CAPSL: variants seen among roughly 807,000 people sequenced by gnomAD.
CAPSL encodes calcyphosine like, also known as calcyphosin-like protein.
A neutral mutation model predicts 21.3 loss-of-function variants in CAPSL; 17 were observed. The observed-to-expected ratio is 0.80, with a 90% CI of 0.55 to 1.20. The LOEUF is 1.20. Ranked by LOEUF, CAPSL falls within the 50% of genes most tolerant of loss-of-function variation. CAPSL has a pLI of 0.00. For missense variants in CAPSL, 289 were observed against 259.3 expected (o/e 1.11, Z -0.79); for synonymous variants, 102 against 89.3 (o/e 1.14, Z -0.80).
At chr5:35,926,354 C>T (rs1738683807) in intron 1 of CAPSL, among the ~76,000 whole-genome samples, 1 of 152,170 alleles carries the variant, frequency 6.6e-6, no homozygotes, top group Non-Finnish European at 1.5e-5. Context: ...AGGATATTCA[C>T]AGAAGCCTGG....
chr5:35,917,416 C>A (rs181730656), intron 2 of CAPSL, among the ~76,000 whole-genome samples: 2 of 152,272 alleles, frequency 1.3e-5, no homozygotes, highest in African/African-American at 4.8e-5. Flanking sequence ...CACATACACA[C>A]GTATGTTTAT....
chr5:35,910,141 T>C (rs1340382828), intron 3 of CAPSL, 66 bp from the exon 4 acceptor site: 13 of 1,319,494 alleles, frequency 9.9e-6, no homozygotes, highest in Non-Finnish European at 1.2e-5. Flanking sequence ...GTATCCTATG[T>C]GATAAAATAT....
At chr5:35,922,617 G>T (rs1738568216) in intron 1 of CAPSL, among the ~76,000 whole-genome samples, 1 of 152,140 alleles carries the variant, frequency 6.6e-6, no homozygotes, top group South Asian at 2.1e-4. Flanking sequence ...CCAGACGGTG[G>T]CACACCCTGC....
chr5:35,935,447 C>T (rs1004038650), intron 1 of CAPSL, among the ~76,000 whole-genome samples: 2 of 151,952 alleles, frequency 1.3e-5, no homozygotes, highest in African/African-American at 2.4e-5. Context: ...ATCCTCCCAC[C>T]GAAACCTCCC....
chr5:35,938,008 A>G (rs565129727), intron 1 of CAPSL, among the ~76,000 whole-genome samples: 33 of 152,220 alleles, frequency 2.2e-4, no homozygotes, highest in Non-Finnish European at 3.5e-4. Flanking sequence ...ATAATTTTGA[A>G]CAAGCCATGT....
At chr5:35,920,512 C>T (rs186814358) in intron 2 of CAPSL, among the ~76,000 whole-genome samples, 101 of 152,300 alleles carry the variant, frequency 6.6e-4, no homozygotes, top group Middle Eastern at 3.4e-3. Context: ...GAGAGAACCC[C>T]ATTGGCAGTG....
intron 2 of CAPSL, among the ~76,000 whole-genome samples, chr5:35,918,297 T>C (rs536116729): frequency 6.6e-6 from 1 of 152,342 alleles, no homozygotes; most frequent in South Asian, 2.1e-4. Flanking sequence ...GATGAGTTCA[T>C]GTCCTTTGCA....
chr5:35,911,814 T>G (rs923675622), intron 2 of CAPSL, among the ~76,000 whole-genome samples: 1 of 152,000 alleles, frequency 6.6e-6, no homozygotes, highest in Non-Finnish European at 1.5e-5. Context: ...AGAAGACAGG[T>G]GATTTCTGCA....
intron 2 of CAPSL, among the ~76,000 whole-genome samples, chr5:35,918,694 A>G (rs1340016876): frequency 6.6e-6 from 1 of 152,202 alleles, no homozygotes; most frequent in Admixed American, 6.5e-5. Flanking sequence ...GAACTTTATT[A>G]GCAAGTCATT....
rs1324242521 is a variant in CAPSL at position 35,921,067 on chromosome 5, C to A, written c.54G>T (p.Lys18Asn). ...DREMAIQAKKKLTTATDPIER... is the reference protein window; with the variant it reads ...DREMAIQAKKNLTTATDPIER... ...CAATGGGGTCGGTGGCCGTGGTGAG[C>A]TTTTTCTTGGCCTGGATCGCCATCT... Residue 18 changes from lysine to asparagine, a missense_variant, in exon 2 of 5, where the codon AAG (lysine) becomes AAT (asparagine). Coordinates refer to ENST00000651391, the MANE Select transcript of CAPSL (RefSeq NM_001042625.2). The A allele has an allele frequency of 2.5e-6, 4 of 1,613,980 alleles. No homozygotes were observed. Among genetic ancestry groups the A allele is most frequent in the Admixed American group, 1.7e-5 (1 of 60,000 alleles).
chr5:35,929,482 G>C (rs1307604615), intron 1 of CAPSL, among the ~76,000 whole-genome samples: 1 of 151,892 alleles, frequency 6.6e-6, no homozygotes, highest in Non-Finnish European at 1.5e-5. Flanking sequence ...TAGTAGAGAT[G>C]GGGTTTCACC....
intron 4 of CAPSL, among the ~76,000 whole-genome samples, chr5:35,906,104 C>T (rs752282434): frequency 8.5e-5 from 13 of 152,186 alleles, no homozygotes; most frequent in Non-Finnish European, 1.8e-4. Flanking sequence ...CCACGAGACC[C>T]TGAGCCATTT....
intron 1 of CAPSL, among the ~76,000 whole-genome samples, chr5:35,937,482 T>C (rs1738980869): frequency 6.6e-6 from 1 of 152,188 alleles, no homozygotes; most frequent in Non-Finnish European, 1.5e-5. Context: ...GTACACCTTC[T>C]TTTTCCTGTT....
At chr5:35,938,418 C>G (rs1046770027) in intron 1 of CAPSL, 123 bp downstream of exon 1, 1 of 152,100 alleles carries the variant, frequency 6.6e-6, no homozygotes, top group Non-Finnish European at 1.5e-5. Flanking sequence ...AGTCCAAGAA[C>G]TCTCAAAAGA....
intron 1 of CAPSL, among the ~76,000 whole-genome samples, chr5:35,934,045 T>C (rs1738883897): frequency 6.6e-6 from 1 of 152,204 alleles, no homozygotes; most frequent in South Asian, 2.1e-4. Flanking sequence ...TTCTCCCAAA[T>C]GCCATTCTGT....
chr5:35,937,740 A>G (rs1335691443), intron 1 of CAPSL, among the ~76,000 whole-genome samples: 2 of 152,188 alleles, frequency 1.3e-5, no homozygotes. Flanking sequence ...ATCAGAATAT[A>G]AATACAAATG....
At chr5:35,910,342 A>C in intron 3 of CAPSL, 24 bp downstream of exon 3, 1 of 1,607,690 alleles carries the variant, frequency 6.2e-7, no homozygotes, top group Non-Finnish European at 8.5e-7. Context: ...CTCAGCAGAT[A>C]CACTGATTAA....
At chr5:35,921,287 A>G (rs1738532497) in intron 1 of CAPSL, among the ~76,000 whole-genome samples, 167 bp from the exon 2 acceptor site, 1 of 152,178 alleles carries the variant, frequency 6.6e-6, no homozygotes, top group Non-Finnish European at 1.5e-5. Context: ...TGGCATATTT[A>G]TAACTTACTT....
chr5:35,926,453 C>A (rs1053682435), intron 1 of CAPSL, among the ~76,000 whole-genome samples: 1 of 142,184 alleles, frequency 7.0e-6, no homozygotes, highest in Non-Finnish European at 1.5e-5. Context: ...GCACAACCAA[C>A]TGCCACGCCA....
Sources: gnomAD v4.1 joint callset for allele counts (sites outside exome capture counted in the v4.1 genomes callset) on GRCh38, gnomAD v4.1.1 for gene constraint, MANE v1.5 for transcripts, NCBI Gene and HGNC (gene_info 2026-07-23, HGNC 2026-07-21) for gene names.